The following PARP6 variants were observed in gnomAD, a reference collection of about 807,000 sequenced individuals.
The protein encoded by PARP6 is protein mono-ADP-ribosyltransferase PARP6.
A neutral mutation model predicts 92.0 loss-of-function variants in PARP6; 27 were observed. The ratio of observed to expected loss-of-function variants is 0.29; its 90% CI spans 0.22 to 0.40. The LOEUF is 0.40. PARP6 is among the 10% of genes least tolerant of loss of function. PARP6 has a pLI of 1.00. For synonymous variants in PARP6, 272 were observed against 281.2 expected (o/e 0.97, Z 0.33); for missense variants, 501 against 784.5 (o/e 0.64, Z 4.32).
intron 20 of PARP6, 49 bp downstream of exon 20, chr15:72,249,196 A>ATT: frequency 9.4e-7 from 1 of 1,064,586 alleles, no homozygotes; most frequent in African/African-American, 1.5e-5. Flanking sequence ...TGTATTCACA[A>ATT]ATGGAGGCAA....
intron 10 of PARP6, among the ~76,000 whole-genome samples, chr15:72,259,954 T>G (rs1442660111): frequency 1.3e-5 from 2 of 152,174 alleles, no homozygotes; most frequent in African/African-American, 4.8e-5. Context: ...GAGATTCCCA[T>G]CTCCAGACTC....
In PARP6 at chr15:72,267,600, C is replaced by T. The variant is rs2086769634; in HGVS notation, c.-123G>A. 9.9e-7 allele frequency: 1 copy of T among 1,006,596 alleles called. No homozygotes were observed. Among genetic ancestry groups the T allele is most frequent in the Non-Finnish European group, 1.6e-6 (1 of 636,864 alleles). The allele number at this position is 1,006,596 out of a possible 1,614,324, so 62.4% of individuals were successfully genotyped here. A position where few individuals can be genotyped will look rare whatever the true frequency, so the allele number is the denominator to read the frequency against. On this transcript the variant is annotated 5_prime_UTR_variant, in exon 3 of 24. It adds an upstream start codon to the 5' untranslated region. Coordinates refer to ENST00000569795, the MANE Select transcript of PARP6 (RefSeq NM_001323532.2). ...CCACAAAGGGAGACAAGGTAGGGCA[C>T]GATGTCAGGGACAACTGGTGATCTG... is the stretch of plus-strand genomic sequence containing the variant.
intron 7 of PARP6, 37 bp downstream of exon 7, chr15:72,265,044 C>G (rs375199501): frequency 1.8e-4 from 252 of 1,398,570 alleles, no homozygotes; most frequent in Non-Finnish European, 2.5e-4. Flanking sequence ...TTAGACCACA[C>G]TCAGACCACC....
intron 15 of PARP6, chr15:72,254,054 A>C (rs767012459): frequency 1.5e-5 from 7 of 465,196 alleles, no homozygotes; most frequent in South Asian, 1.1e-4. Context: ...TCACCGCTCC[A>C]TGTGGCTGCC....
intron 9 of PARP6, among the ~76,000 whole-genome samples, chr15:72,260,997 C>T (rs570399188): frequency 2.0e-5 from 3 of 152,002 alleles, no homozygotes; most frequent in South Asian, 2.1e-4. Flanking sequence ...GCCTGTTTTT[C>T]TGAGAGAGAG....
At chr15:72,269,388 T>C (rs2087058021) in intron 2 of PARP6, among the ~76,000 whole-genome samples, 2 of 151,642 alleles carry the variant, frequency 1.3e-5, no homozygotes, top group African/African-American at 2.4e-5. Context: ...CTCGAACTCC[T>C]GACCTCAGGT....
In PARP6 at chr15:72,253,452, T is replaced by C. The variant is rs2084641685; in HGVS notation, c.1244A>G (p.His415Arg). ...CTATCCATACCACTGCAGGAGAGGATGGGCCAGGGGATCCAACTTGTCCAT... is the reference window on the plus strand; with the variant it reads ...CTATCCATACCACTGCAGGAGAGGACGGGCCAGGGGATCCAACTTGTCCAT... ...KQMDKLDPLA[H>R]PLLQWIISSN... The change falls in exon 16 of 24, where the codon CAT becomes CGT. Residue 415 changes from histidine to arginine, a missense_variant. Around this residue, in one of 4 missense-constraint regions of PARP6, gnomAD observed 191 missense variants for 399.1 expected, o/e 0.48. Coordinates refer to ENST00000569795, the MANE Select transcript of PARP6 (RefSeq NM_001323532.2). The C allele has an allele frequency of 2.5e-6, 4 of 1,613,770 alleles. No homozygotes were observed. The highest frequency in any genetic ancestry group is 3.4e-6 in the Non-Finnish European group (4 of 1,179,706).
chr15:72,254,450 A>T lies in PARP6; in HGVS notation c.1191+5T>A. ...AGGAGAGGGGACAGAGAGAAGGCAG[A>T]ATACCTGGGTCATCTCCCGAATAGA... On this transcript the variant is annotated splice_donor_5th_base_variant and intron_variant, in intron 15 of 23. Transcript: ENST00000569795. 6.2e-7 allele frequency: 1 copy of T among 1,607,086 alleles called. No homozygotes were observed. The highest frequency in any genetic ancestry group is 8.5e-7 in the Non-Finnish European group (1 of 1,173,502).
chr15:72,260,504 G>C lies in PARP6; in HGVS notation c.730C>G (p.Pro244Ala). ...AAAGGAGAGGTCCGTGCTGGGGGAG[G>C]GAGGCCCACGTGCTGAGGGCACAGG... ...GLLCPQHVGL[P>A]PPARTSPLVS... is the part of the protein sequence containing the mutation. The change falls in exon 10 of 24, where the codon CCT (proline) becomes GCT (alanine). Residue 244 changes from proline (P) to alanine (A), a missense_variant. By Grantham distance (27) the Pro-to-Ala change is conservative. Coordinates refer to ENST00000569795, the MANE Select transcript of PARP6 (RefSeq NM_001323532.2). 6.2e-7 allele frequency: 1 copy of C among 1,614,142 alleles called. No homozygotes were observed. The highest frequency in any genetic ancestry group is 8.5e-7 in the Non-Finnish European group (1 of 1,179,966).
chr15:72,268,301 C>T (rs6494997), intron 2 of PARP6, among the ~76,000 whole-genome samples: 95,114 of 152,146 alleles, frequency 0.63, 31,377 homozygotes, highest in Middle Eastern at 0.74. Flanking sequence ...TTTACTCTGT[C>T]AGTTAATTCT....
intron 16 of PARP6, among the ~76,000 whole-genome samples, chr15:72,252,611 G>A (rs1390845339): frequency 2.6e-5 from 4 of 151,812 alleles, no homozygotes; most frequent in South Asian, 2.1e-4. Context: ...TCAGCCTCCC[G>A]AGTAGCTGGG....
Position 72,266,906 on chromosome 15 carries a change from G to A in PARP6, c.4-84C>T, listed in dbSNP as rs539087225. On this transcript the variant is annotated intron_variant, in intron 3 of 23. Transcript: ENST00000569795. ...GCGTGGGATGATATGGTGAGGAACAGATTCCCACAAAGATTGGGAAATATA... is the reference window on the plus strand; with the variant it reads ...GCGTGGGATGATATGGTGAGGAACAAATTCCCACAAAGATTGGGAAATATA... 6.0e-4 allele frequency: 570 copies of A among 947,136 alleles called. 2 individuals are homozygous for A. The Middle Eastern group carries it at 9.5e-3, about 16-fold the overall frequency. The allele number at this position is 947,136 out of a possible 1,614,324, so 58.7% of individuals were successfully genotyped here.
At chr15:72,266,933 A>G in intron 3 of PARP6, 111 bp from the exon 4 acceptor site, 1 of 827,612 alleles carries the variant, frequency 1.2e-6, no homozygotes, top group Non-Finnish European at 2.1e-6. Context: ...GGAAATATAG[A>G]ATAACTGAAG....
In PARP6 at chr15:72,267,485, G is replaced by A; in HGVS notation, c.-8C>T. On this transcript the variant is annotated 5_prime_UTR_variant, in exon 3 of 24. Transcript: ENST00000569795. ...GCAGTCAGTTCTCACCATTGGGTCAGTGGGTCACACACACTCTCAGGTCAG... is the reference window on the plus strand; with the variant it reads ...GCAGTCAGTTCTCACCATTGGGTCAATGGGTCACACACACTCTCAGGTCAG... 3 of 1,613,956 alleles carry A rather than the reference G, an allele frequency of 1.9e-6. No homozygotes were observed. The highest frequency in any genetic ancestry group is 1.7e-6 in the Non-Finnish European group (2 of 1,179,862).
intron 14 of PARP6, among the ~76,000 whole-genome samples, chr15:72,255,704 T>C (rs370196094): frequency 1.1e-4 from 16 of 151,300 alleles, no homozygotes; most frequent in African/African-American, 3.9e-4. Context: ...CTCTTTCTCC[T>C]TCTCTCTCCA....
chr15:72,241,782 C>T lies in PARP6; in HGVS notation c.1790+119G>A. The T allele has an allele frequency of 1.2e-6, 1 of 841,580 alleles. No individual in the cohort carries two copies. The highest frequency in any genetic ancestry group is 2.0e-6 in the Non-Finnish European group (1 of 496,052). The allele number at this position is 841,580 out of a possible 1,614,324, so 52.1% of individuals were successfully genotyped here. A position where few individuals can be genotyped will look rare whatever the true frequency, so the allele number is the denominator to read the frequency against. ...AATGGTAAAGTCCCAGTGACAGCTC[C>T]ACTCAGGTAGCCAAGGACATGTCTC... On this transcript the variant is annotated intron_variant, in intron 23 of 23. Coordinates refer to ENST00000569795, the MANE Select transcript of PARP6 (RefSeq NM_001323532.2). The surrounding 1 kb of genome is among the most constrained non-coding windows in gnomAD (Gnocchi z 4.1).
chr15:72,258,350 C>T (rs2085402128), intron 11 of PARP6, among the ~76,000 whole-genome samples: 1 of 152,140 alleles, frequency 6.6e-6, no homozygotes, highest in South Asian at 2.1e-4. Context: ...TTGAGAAGAC[C>T]TGGGTTAACA....
chr15:72,261,300 T>C (rs569774875), intron 9 of PARP6, among the ~76,000 whole-genome samples: 10 of 152,236 alleles, frequency 6.6e-5, no homozygotes, highest in Non-Finnish European at 1.5e-4. Flanking sequence ...AACAGAAAGA[T>C]GGAAGATTCA....
Position 72,241,334 on chromosome 15 carries a change from T to C in PARP6, c.*121A>G. On this transcript the variant is annotated 3_prime_UTR_variant, in exon 24 of 24. Transcript: ENST00000569795. The surrounding 1 kb of genome is among the most constrained non-coding windows in gnomAD (Gnocchi z 4.1). ...GAAGGCCACCTCTTACATATCCTTT[T>C]CCTGCCCCTTGGTAATGGCCCCTTG... 1.3e-6 allele frequency: 1 copy of C among 742,496 alleles called. No individual in the cohort carries two copies. Among genetic ancestry groups the C allele is most frequent in the Non-Finnish European group, 2.4e-6 (1 of 412,392 alleles). The allele number at this position is 742,496 out of a possible 1,614,324, so 46.0% of individuals were successfully genotyped here. A position where few individuals can be genotyped will look rare whatever the true frequency, so the allele number is the denominator to read the frequency against.
Sources: allele counts gnomAD v4.1 joint callset (sites outside exome capture counted in the v4.1 genomes callset), GRCh38; gene constraint gnomAD v4.1.1; regional missense constraint gnomAD v4.1.1; non-coding constraint Gnocchi (gnomAD v3.1); transcripts MANE v1.5; gene names NCBI Gene and HGNC (gene_info 2026-07-23, HGNC 2026-07-21).